The following FHIT variants were observed in gnomAD, a reference collection of about 807,000 sequenced individuals.
FHIT encodes bis(5'-adenosyl)-triphosphatase.
In FHIT, 19 loss-of-function variants were observed where a neutral mutation model predicts 17.9. That is an observed-to-expected ratio of 1.06 (90% confidence interval 0.74 to 1.56). The LOEUF (loss-of-function observed/expected upper bound fraction) is 1.56, where lower values mean the gene tolerates loss of function less well. Among genes scored for constraint, FHIT ranks in the 40% most tolerant of loss-of-function variants. The pLI, the probability that FHIT is intolerant of heterozygous loss-of-function variation, is 0.00. For missense variants in FHIT, 248 were observed against 189.2 expected (o/e 1.31, Z -1.82); for synonymous variants, 81 against 69.7 (o/e 1.16, Z -0.81).
intron 8 of FHIT, among the ~76,000 whole-genome samples, chr3:59,824,671 A>G (rs1042941802): frequency 6.6e-6 from 1 of 152,264 alleles, no homozygotes; most frequent in Admixed American, 6.5e-5. Flanking sequence ...AAAAAGAATC[A>G]CTTGCTAAAG....
At chr3:60,504,430 C>CA (rs10553211) in intron 5 of FHIT, among the ~76,000 whole-genome samples, 10,813 of 146,000 alleles carry the variant, frequency 0.074, 628 homozygotes, top group East Asian at 0.29. Flanking sequence ...GACCCCGTCT[C>CA]AAAAAAAAAA....
intron 4 of FHIT, among the ~76,000 whole-genome samples, chr3:60,744,264 A>C (rs1406406347): frequency 1.2e-3 from 44 of 37,088 alleles, no homozygotes; most frequent in African/African-American, 4.2e-3. Flanking sequence ...AAAACAAAAC[A>C]AAACAAAAAA....
At chr3:61,094,006 A>G (rs1199219133) in intron 2 of FHIT, among the ~76,000 whole-genome samples, 1 of 152,210 alleles carries the variant, frequency 6.6e-6, no homozygotes, top group Non-Finnish European at 1.5e-5. Flanking sequence ...CTAGACTCCA[A>G]GTTCAAATGA....
At chr3:59,911,170 T>C (rs1415085579) in intron 8 of FHIT, among the ~76,000 whole-genome samples, 6 of 152,234 alleles carry the variant, frequency 3.9e-5, no homozygotes, top group Non-Finnish European at 8.8e-5. Flanking sequence ...GATGGCTACA[T>C]AGATGAATAT....
chr3:60,718,676 A>G (rs182870849), intron 4 of FHIT, among the ~76,000 whole-genome samples: 43 of 152,360 alleles, frequency 2.8e-4, no homozygotes, highest in Admixed American at 2.7e-3. Context: ...ACAGAATAGC[A>G]TTTCATAAAC....
intron 5 of FHIT, among the ~76,000 whole-genome samples, chr3:60,273,590 C>T (rs1218428817): frequency 1.3e-5 from 2 of 152,050 alleles, no homozygotes; most frequent in African/African-American, 4.8e-5. Context: ...GCCAGAGCAA[C>T]AGTGCAAGAC....
At chr3:60,187,516 C>A (rs946213865) in intron 5 of FHIT, among the ~76,000 whole-genome samples, 2 of 152,142 alleles carry the variant, frequency 1.3e-5, no homozygotes, top group African/African-American at 4.8e-5. Context: ...AATATTTGAT[C>A]CTATCTTTGT....
Position 60,083,094 on chromosome 3 carries a change from A to G in FHIT, c.104-68942T>C, listed in dbSNP as rs1483299058. 2.0e-5 allele frequency among the ~76,000 whole-genome samples: 3 copies of G among 152,190 alleles called. No homozygotes were observed. In the East Asian group the frequency reaches 5.8e-4, roughly 29 times the overall value. ...TTTTCTTCTAGGATTTTTATAGTTT[A>G]AGGTCTTACATTTAAATATTTAGTC... On this transcript the variant is annotated intron_variant, in intron 5 of 9. Coordinates refer to ENST00000492590, the MANE Select transcript of FHIT (RefSeq NM_002012.4).
At chr3:60,398,531 G>A (rs1325789072) in intron 5 of FHIT, among the ~76,000 whole-genome samples, 1 of 152,140 alleles carries the variant, frequency 6.6e-6, no homozygotes, top group Non-Finnish European at 1.5e-5. Context: ...CACAGGGTCA[G>A]TCACATAGGT....
intron 5 of FHIT, among the ~76,000 whole-genome samples, chr3:60,269,373 T>G (rs1706751423): frequency 6.6e-6 from 1 of 152,208 alleles, no homozygotes; most frequent in Non-Finnish European, 1.5e-5. Context: ...TTGAAATAGT[T>G]TTCTTTTACT....
intron 8 of FHIT, among the ~76,000 whole-genome samples, chr3:59,899,187 G>A (rs1704210580): frequency 6.6e-6 from 1 of 152,170 alleles, no homozygotes; most frequent in Admixed American, 6.5e-5. Context: ...ATGGACTTCA[G>A]AAATAAGAGC....
At position 60,283,232 on chromosome 3, in the gene FHIT, CACACACACACAT is replaced by C. The variant is rs1022504014; in HGVS notation, c.103+253616_103+253627del. ...GGAGAGCGAAAAACAGGGATATATA[CACACACACACAT>C]ACACACACACATACATGTTTGTAGT... On this transcript the variant is annotated intron_variant, in intron 5 of 9. Coordinates refer to ENST00000492590, the MANE Select transcript of FHIT (RefSeq NM_002012.4). 4.6e-5 allele frequency among the ~76,000 whole-genome samples: 7 copies of C among 151,476 alleles called. No homozygotes were observed. The South Asian group carries it at 8.3e-4, about 18-fold the overall frequency.
intron 8 of FHIT, among the ~76,000 whole-genome samples, chr3:59,829,702 C>T (rs941839687): frequency 4.6e-5 from 7 of 152,170 alleles, no homozygotes; most frequent in South Asian, 2.1e-4. Flanking sequence ...GAAAATGCTA[C>T]CTTAAAGGCC....
At chr3:60,576,061 C>T (rs1408273607) in intron 4 of FHIT, among the ~76,000 whole-genome samples, 2 of 152,038 alleles carry the variant, frequency 1.3e-5, no homozygotes, top group Admixed American at 1.3e-4. Context: ...ACACTAATGC[C>T]TCCCATTGAG....
intron 8 of FHIT, among the ~76,000 whole-genome samples, chr3:59,879,623 A>G (rs1703314513): frequency 6.6e-6 from 1 of 152,204 alleles, no homozygotes; most frequent in Non-Finnish European, 1.5e-5. Context: ...ACACAGCCCC[A>G]AACAAAACAC....
At chr3:60,248,795 GGC>G (rs1305136966) in intron 5 of FHIT, among the ~76,000 whole-genome samples, 2 of 152,190 alleles carry the variant, frequency 1.3e-5, no homozygotes, top group East Asian at 3.9e-4. Flanking sequence ...GTGCTAGAAG[GGC>G]GCTGTGACTC....
chr3:60,421,100 A>G (rs1702448614), intron 5 of FHIT, among the ~76,000 whole-genome samples: 1 of 151,880 alleles, frequency 6.6e-6, no homozygotes, highest in Non-Finnish European at 1.5e-5. Flanking sequence ...GATGGCTAGA[A>G]AAACTGCTTT....
chr3:59,954,414 GA>G (rs1306999030), intron 7 of FHIT, among the ~76,000 whole-genome samples: 1 of 152,086 alleles, frequency 6.6e-6, no homozygotes, highest in East Asian at 1.9e-4. Flanking sequence ...GAGACACAAT[GA>G]AGAAAAAATC....
intron 4 of FHIT, among the ~76,000 whole-genome samples, chr3:60,629,062 T>C (rs2107768572): frequency 6.6e-6 from 1 of 152,146 alleles, no homozygotes; most frequent in Middle Eastern, 3.4e-3. Flanking sequence ...ACCTAATTAG[T>C]TGGGGGTAGG....
Sources: gnomAD v4.1 joint callset for allele counts (sites outside exome capture counted in the v4.1 genomes callset) on GRCh38, gnomAD v4.1.1 for gene constraint, MANE v1.5 for transcripts, NCBI Gene and HGNC (gene_info 2026-07-23, HGNC 2026-07-21) for gene names.